CDH1: variants seen among roughly 807,000 people sequenced by gnomAD.
CDH1 encodes the protein cadherin 1.
Under a neutral mutation model 84.5 loss-of-function variants are expected in CDH1, and 35 were observed. The ratio of observed to expected loss-of-function variants is 0.41; its 90% CI spans 0.32 to 0.55. CDH1 has a LOEUF of 0.55. Among genes scored for constraint, CDH1 ranks in the 20% least tolerant of loss-of-function variants. CDH1 has a pLI of 0.19. For synonymous variants in CDH1, 417 were observed against 439.0 expected (o/e 0.95, Z 0.63); for missense variants, 994 against 1,126.6 (o/e 0.88, Z 1.68).
chr16:68,787,723 A>G (rs1234974821), intron 2 of CDH1, among the ~76,000 whole-genome samples: 5 of 151,760 alleles, frequency 3.3e-5, no homozygotes, highest in Admixed American at 1.3e-4. Flanking sequence ...CAATGGTGCA[A>G]TCTCAGCTCA....
intron 2 of CDH1, among the ~76,000 whole-genome samples, chr16:68,748,978 C>G (rs1159543981): frequency 6.6e-6 from 1 of 152,170 alleles, no homozygotes; most frequent in East Asian, 1.9e-4. Flanking sequence ...TAGCTGAGTA[C>G]AGGTGCCTGC....
At chr16:68,773,607 T>C (rs997003733) in intron 2 of CDH1, among the ~76,000 whole-genome samples, 1 of 152,214 alleles carries the variant, frequency 6.6e-6, no homozygotes, top group Non-Finnish European at 1.5e-5. Context: ...CCTGCTCAAG[T>C]TATTTCCTAA....
intron 2 of CDH1, among the ~76,000 whole-genome samples, chr16:68,779,726 A>G (rs12922777): frequency 0.29 from 44,648 of 152,064 alleles, 6,639 homozygotes; most frequent in Middle Eastern, 0.34. Flanking sequence ...GCATGGTGGC[A>G]CATGCCTGTA....
At chr16:68,818,744 G>A (rs554129394) in intron 10 of CDH1, among the ~76,000 whole-genome samples, 161 of 150,104 alleles carry the variant, frequency 1.1e-3, no homozygotes, top group African/African-American at 3.8e-3. Context: ...CAGCTACTCC[G>A]GAGGCTGAGG....
intron 2 of CDH1, among the ~76,000 whole-genome samples, chr16:68,790,166 C>T (rs1007789258): frequency 2.6e-5 from 4 of 152,146 alleles, no homozygotes; most frequent in African/African-American, 9.7e-5. Context: ...TTTCACCAGT[C>T]GGAATGTAAG....
At chr16:68,804,824 C>CTTGTTTTT (rs1960609003) in intron 3 of CDH1, among the ~76,000 whole-genome samples, 1 of 69,668 alleles carries the variant, frequency 1.4e-5, no homozygotes, top group African/African-American at 6.7e-5. Flanking sequence ...GTAACAAAAT[C>CTTGTTTTT]TTTTTTTTTT....
At chr16:68,804,479 A>T (rs899627612) in intron 3 of CDH1, among the ~76,000 whole-genome samples, 1 of 152,100 alleles carries the variant, frequency 6.6e-6, no homozygotes, top group Non-Finnish European at 1.5e-5. Context: ...ACTGGCCAAA[A>T]TTTAGCCTCA....
chr16:68,807,610 G>C (rs539278253), intron 3 of CDH1, among the ~76,000 whole-genome samples: 46 of 152,186 alleles, frequency 3.0e-4, no homozygotes, highest in Non-Finnish European at 4.4e-5. Flanking sequence ...GCTTGCCTGA[G>C]CTCAGGAGTT....
intron 2 of CDH1, chr16:68,771,028 C>T (rs905427549): frequency 1.3e-5 from 2 of 151,994 alleles, no homozygotes; most frequent in Non-Finnish European, 2.9e-5. Context: ...GGAGGAGGCT[C>T]TCCCGTCTTT....
At chr16:68,807,572 C>T (rs1486071285) in intron 3 of CDH1, among the ~76,000 whole-genome samples, 2 of 151,892 alleles carry the variant, frequency 1.3e-5, no homozygotes, top group Non-Finnish European at 2.9e-5. Context: ...GCCTGTAGTT[C>T]CAGCTACTTG....
At chr16:68,831,069 C>CTTTTTTTTTT (rs1157074539) in intron 15 of CDH1, among the ~76,000 whole-genome samples, 6 of 80,268 alleles carry the variant, frequency 7.5e-5, no homozygotes, top group African/African-American at 1.6e-4. Context: ...CTTTAGCTTT[C>CTTTTTTTTTT]TTTTTTTTTT....
intron 9 of CDH1, 48 bp from the exon 10 acceptor site, chr16:68,815,466 AC>A: frequency 6.2e-7 from 1 of 1,612,786 alleles, no homozygotes; most frequent in Non-Finnish European, 8.5e-7. Context: ...ATTTTTACTA[AC>A]ACAAAATGTT....
chr16:68,811,125 T>C (rs1164089335), intron 6 of CDH1, among the ~76,000 whole-genome samples: 2 of 151,850 alleles, frequency 1.3e-5, no homozygotes, highest in East Asian at 1.9e-4. Context: ...AGGCTGGGTG[T>C]GGTGGTTCAC....
Position 68,812,254 on chromosome 16 carries a change from TC to T in CDH1, c.1131del (p.Thr378ProfsTer15), listed in dbSNP as rs1131690812. 1 of 1,614,010 alleles carries T rather than the reference TC, an allele frequency of 6.2e-7. No individual in the cohort carries two copies. The highest frequency in any genetic ancestry group is 8.5e-7 in the Non-Finnish European group (1 of 1,179,972). On this transcript the variant is annotated frameshift_variant, in exon 8 of 16. Transcript: ENST00000261769. LOFTEE classifies it high-confidence loss of function. The part of the protein sequence containing the change: ...DTNDNPPIFN[P>X]TTYKGQVPEN... ...CCAACGATAATCCTCCGATCTTCAA[TC>T]CCACCACGGTAATTCTATAACTCCT...
intron 2 of CDH1, among the ~76,000 whole-genome samples, chr16:68,750,101 C>G (rs1354049742): frequency 2.7e-5 from 4 of 146,576 alleles, no homozygotes; most frequent in African/African-American, 7.5e-5. Flanking sequence ...TGTGAGCCAC[C>G]AGGCCTGGCC....
intron 2 of CDH1, among the ~76,000 whole-genome samples, chr16:68,752,141 TG>T (rs1488316701): frequency 2.0e-5 from 3 of 150,590 alleles, no homozygotes; most frequent in African/African-American, 7.3e-5. Context: ...TAGTAGAGAC[TG>T]GGTTTCACCA....
chr16:68,815,738 C>A lies in CDH1; in HGVS notation c.1544C>A (p.Thr515Lys), dbSNP rs1555516188. The change falls in exon 10 of 16, where the codon ACA becomes AAA. Residue 515 changes from threonine (T) to lysine (K), a missense_variant. Transcript: ENST00000261769. ...TCCTACACTGCCCAGGAGCCAGACA[C>A]ATTTATGGAACAGAAAATAACGTAA... ...ITSYTAQEPD[T>K]FMEQKITYRI... 1 of 1,614,236 alleles carries A rather than the reference C, an allele frequency of 6.2e-7. No individual in the cohort carries two copies. Among genetic ancestry groups the A allele is most frequent in the Non-Finnish European group, 8.5e-7 (1 of 1,180,042 alleles).
chr16:68,764,563 G>A (rs1248691030), intron 2 of CDH1, among the ~76,000 whole-genome samples: 1 of 152,188 alleles, frequency 6.6e-6, no homozygotes, highest in Admixed American at 6.5e-5. Flanking sequence ...GCGATAGAGT[G>A]AGACTCCATC....
intron 2 of CDH1, among the ~76,000 whole-genome samples, chr16:68,784,487 C>T (rs7198799): frequency 0.27 from 40,907 of 151,868 alleles, 5,635 homozygotes; most frequent in Middle Eastern, 0.33. Flanking sequence ...ATCCTCCTTT[C>T]CACCGCCCAC....
Sources: gnomAD v4.1 joint callset for allele counts (sites outside exome capture counted in the v4.1 genomes callset) on GRCh38, gnomAD v4.1.1 for gene constraint, MANE v1.5 for transcripts, NCBI Gene and HGNC (gene_info 2026-07-23, HGNC 2026-07-21) for gene names.